Variants in CTNNA3 observed in about 807,000 individuals in gnomAD.
The protein encoded by CTNNA3 is catenin alpha 3, also known as catenin alpha-3.
Under a neutral mutation model 95.7 loss-of-function variants are expected in CTNNA3, and 76 were observed. The ratio of observed to expected loss-of-function variants is 0.79; its 90% CI spans 0.66 to 0.96. The LOEUF (loss-of-function observed/expected upper bound fraction) is 0.96. CTNNA3 is among the 40% of genes least tolerant of loss of function. The pLI is 0.00. For synonymous variants in CTNNA3, 431 were observed against 374.4 expected, an observed-to-expected ratio of 1.15 and a Z score of -1.74; for missense variants, 1,191 against 1,089.8, an observed-to-expected ratio of 1.09 and a Z score of -1.31.
rs575026180 is a variant in CTNNA3, at chr10:67,577,590, A to C, written c.292+29267T>G. Reference sequence around the variant, plus strand: ...CATTGCTTTTGGTGTTTTAGACGTGAAACACCCATGCCTATGTCCTGAATG... The same window carrying C: ...CATTGCTTTTGGTGTTTTAGACGTGCAACACCCATGCCTATGTCCTGAATG... On this transcript the variant is annotated intron_variant, in intron 3 of 17. Transcript: ENST00000433211. 1.2e-4 allele frequency among the ~76,000 whole-genome samples: 18 copies of C among 152,168 alleles called. 1 individual carries two copies. The South Asian group carries it at 3.7e-3, about 32-fold the overall frequency.
chr10:67,331,393 A>G (rs1841788761), intron 5 of CTNNA3, among the ~76,000 whole-genome samples: 1 of 152,244 alleles, frequency 6.6e-6, no homozygotes. Context: ...ATAAAGTCAC[A>G]GGGAATTATC....
At chr10:66,897,068 T>TTGAA (rs1281383059) in intron 7 of CTNNA3, among the ~76,000 whole-genome samples, 3 of 152,186 alleles carry the variant, frequency 2.0e-5, no homozygotes, top group East Asian at 3.9e-4. Context: ...CAAAAGTTTA[T>TTGAA]TGAATGAATG....
At chr10:66,251,130 T>C (rs1011099850) in intron 13 of CTNNA3, among the ~76,000 whole-genome samples, 2 of 152,132 alleles carry the variant, frequency 1.3e-5, no homozygotes, top group East Asian at 3.9e-4. Flanking sequence ...AGAAGGAAAC[T>C]GAAAATGTCA....
chr10:66,810,052 G>C, intron 7 of CTNNA3, among the ~76,000 whole-genome samples: 1 of 152,032 alleles, frequency 6.6e-6, no homozygotes, highest in East Asian at 1.9e-4. Context: ...TGATCCACCT[G>C]CCTCGGCCTC....
chr10:66,426,392 C>A (rs2093241440), intron 11 of CTNNA3, among the ~76,000 whole-genome samples: 2 of 151,994 alleles, frequency 1.3e-5, no homozygotes, highest in Admixed American at 6.6e-5. Flanking sequence ...CTTTCAAAAG[C>A]TATTGATTAC....
chr10:67,098,097 T>C (rs919129888), intron 7 of CTNNA3: 9 of 349,704 alleles, frequency 2.6e-5, no homozygotes, highest in African/African-American at 1.9e-4. Flanking sequence ...TGTACAAAGC[T>C]AATGTATTTT....
intron 7 of CTNNA3, among the ~76,000 whole-genome samples, chr10:67,044,705 G>C (rs1001153221): frequency 6.6e-6 from 1 of 152,038 alleles, no homozygotes; most frequent in Non-Finnish European, 1.5e-5. Flanking sequence ...TTTTTTAAAA[G>C]AACTCTTAGG....
intron 10 of CTNNA3, among the ~76,000 whole-genome samples, chr10:66,559,012 C>T (rs995598520): frequency 1.3e-5 from 2 of 152,114 alleles, no homozygotes; most frequent in East Asian, 1.9e-4. Context: ...ATGGCATCAT[C>T]ATCTACCTAT....
At chr10:67,371,220 T>TA (rs1564603987) in intron 5 of CTNNA3, among the ~76,000 whole-genome samples, 2 of 151,396 alleles carry the variant, frequency 1.3e-5, no homozygotes, top group African/African-American at 4.8e-5. Context: ...ATTTTTCTTT[T>TA]TATATATACA....
At chr10:66,415,261 C>A (rs1162924771) in intron 11 of CTNNA3, among the ~76,000 whole-genome samples, 1 of 152,090 alleles carries the variant, frequency 6.6e-6, no homozygotes, top group Admixed American at 6.6e-5. Context: ...GGGAATCTCC[C>A]AGTTTAGTTC....
chr10:67,265,882 T>C (rs1866804391), intron 5 of CTNNA3, among the ~76,000 whole-genome samples: 1 of 152,146 alleles, frequency 6.6e-6, no homozygotes, highest in Non-Finnish European at 1.5e-5. Flanking sequence ...ATTCTCAGCT[T>C]GAGGTTCTCC....
intron 10 of CTNNA3, among the ~76,000 whole-genome samples, chr10:66,563,208 A>G (rs1842606085): frequency 6.6e-6 from 1 of 152,176 alleles, no homozygotes; most frequent in South Asian, 2.1e-4. Context: ...CTCTATCATT[A>G]GTAAATATCA....
chr10:67,257,576 A>G (rs1352935276), intron 5 of CTNNA3, among the ~76,000 whole-genome samples: 1 of 152,160 alleles, frequency 6.6e-6, no homozygotes, highest in African/African-American at 2.4e-5. Context: ...GATTTTGTAT[A>G]TAATAATTAT....
chr10:66,841,715 T>G (rs1363997243), intron 7 of CTNNA3, among the ~76,000 whole-genome samples: 2 of 152,182 alleles, frequency 1.3e-5, no homozygotes, highest in East Asian at 3.8e-4. Context: ...AATAAAGCAT[T>G]TCAAATCAAT....
At chr10:67,648,636 A>C (rs1839790272) in intron 1 of CTNNA3, 1 of 818,682 alleles carries the variant, frequency 1.2e-6, no homozygotes, top group Non-Finnish European at 1.7e-6. Context: ...AAGTGAAAAG[A>C]TATTACTTGA....
intron 12 of CTNNA3, among the ~76,000 whole-genome samples, chr10:66,295,000 T>C (rs1395723597): frequency 6.6e-6 from 1 of 152,148 alleles, no homozygotes; most frequent in Non-Finnish European, 1.5e-5. Context: ...AATTTCCCTA[T>C]AGTTTGAAAG....
At chr10:65,939,690 G>C (rs1277571040) in intron 17 of CTNNA3, among the ~76,000 whole-genome samples, 1 of 152,014 alleles carries the variant, frequency 6.6e-6, no homozygotes, top group East Asian at 1.9e-4. Context: ...CTCTCAATGA[G>C]CAAGAAAAAC....
At chr10:66,044,155 C>G (rs541705153) in intron 15 of CTNNA3, among the ~76,000 whole-genome samples, 11 of 152,008 alleles carry the variant, frequency 7.2e-5, no homozygotes, top group Non-Finnish European at 1.5e-4. Flanking sequence ...CCACCATGCC[C>G]GGCTAATTGC....
intron 11 of CTNNA3, among the ~76,000 whole-genome samples, chr10:66,493,147 A>T (rs1839981535): frequency 6.6e-6 from 1 of 152,230 alleles, no homozygotes; most frequent in Admixed American, 6.5e-5. Context: ...CAAGGAGATG[A>T]AATATTCATC....
Sources: allele counts gnomAD v4.1 joint callset (sites outside exome capture counted in the v4.1 genomes callset), GRCh38; gene constraint gnomAD v4.1.1; transcripts MANE v1.5; gene names NCBI Gene and HGNC (gene_info 2026-07-23, HGNC 2026-07-21).